Variants in INPP5D observed in about 807,000 individuals in gnomAD.
INPP5D encodes the protein phosphatidylinositol 3,4,5-trisphosphate 5-phosphatase 1.
A neutral mutation model predicts 122.9 loss-of-function variants in INPP5D; 33 were observed. The observed-to-expected ratio is 0.27, with a 90% confidence interval of 0.20 to 0.36. INPP5D has a LOEUF of 0.36. INPP5D is among the 10% of genes least tolerant of loss of function. The probability of loss-of-function intolerance (pLI) is 1.00; values close to 1 mark genes in which losing one functional copy is unlikely to be tolerated. For synonymous variants in INPP5D, 584 were observed against 576.2 expected (o/e 1.01, Z -0.19); for missense variants, 1,053 against 1,412.7 (o/e 0.75, Z 4.08).
intron 6 of INPP5D, among the ~76,000 whole-genome samples, chr2:233,143,456 C>G (rs893240453): frequency 6.6e-6 from 1 of 152,104 alleles, no homozygotes; most frequent in Admixed American, 6.6e-5. Context: ...TCTGTGTTAC[C>G]GTTTCAATTA....
At chr2:233,145,434 A>G (rs1693732887) in intron 6 of INPP5D, among the ~76,000 whole-genome samples, 1 of 152,230 alleles carries the variant, frequency 6.6e-6, no homozygotes, top group South Asian at 2.1e-4. Context: ...AGCAGGGAAG[A>G]CAAACAATGA....
intron 2 of INPP5D, among the ~76,000 whole-genome samples, chr2:233,094,019 G>A (rs745473646): frequency 6.6e-6 from 1 of 152,040 alleles, no homozygotes; most frequent in Non-Finnish European, 1.5e-5. Context: ...GAGCCCAAGA[G>A]ATTCTCTACA....
In INPP5D at chr2:233,177,078, G is replaced by T. The variant is rs973669239; in HGVS notation, c.1990-187G>T. Among the ~76,000 whole-genome samples the T allele has an allele frequency of 6.6e-6, 1 of 152,098 alleles. No individual in the cohort carries two copies. The highest frequency in any genetic ancestry group is 2.4e-5 in the African/African-American group (1 of 41,402). ...GAGTTATCTTAGTCTAAAGAAGAAG[G>T]CGTGGCAGTGGAGTCTGGACTTGAG... On this transcript the variant is annotated intron_variant, in intron 17 of 26. Coordinates refer to ENST00000445964, the MANE Select transcript of INPP5D (RefSeq NM_001017915.3). This position sits in a 1 kb window ranked among gnomAD's most constrained non-coding sequence, Gnocchi z 4.2.
chr2:233,089,803 T>C (rs1393320913), intron 2 of INPP5D, among the ~76,000 whole-genome samples: 1 of 152,232 alleles, frequency 6.6e-6, no homozygotes, highest in African/African-American at 2.4e-5. Flanking sequence ...TAGAGACCAA[T>C]GACAAGCAAT....
rs1164006532 is a variant in INPP5D, at chr2:233,163,689, T to C, written c.1241-18T>C. ...GATGTGCCTTTGACTCACTTGGTGT[T>C]GGGTTTTGCTGTTGAAGGTAACGCC... On this transcript the variant is annotated intron_variant, in intron 11 of 26. Coordinates refer to ENST00000445964, the MANE Select transcript of INPP5D (RefSeq NM_001017915.3). The C allele has an allele frequency of 6.2e-7, 1 of 1,613,508 alleles. No individual in the cohort carries two copies. The highest frequency in any genetic ancestry group is 8.5e-7 in the Non-Finnish European group (1 of 1,179,720).
At chr2:233,102,366 A>G (rs1692337813) in intron 2 of INPP5D, among the ~76,000 whole-genome samples, 1 of 152,138 alleles carries the variant, frequency 6.6e-6, no homozygotes, top group Non-Finnish European at 1.5e-5. Flanking sequence ...CATGGGCCCC[A>G]GTCCCCGCCT....
chr2:233,202,685 A>G (rs1447597400), intron 25 of INPP5D, among the ~76,000 whole-genome samples: 1 of 152,240 alleles, frequency 6.6e-6, no homozygotes, highest in Admixed American at 6.5e-5. Context: ...CCTTTTCTGT[A>G]GAAAGCAGAA....
intron 5 of INPP5D, among the ~76,000 whole-genome samples, chr2:233,137,889 T>TAC (rs1693528388): frequency 3.8e-5 from 2 of 53,252 alleles, no homozygotes; most frequent in African/African-American, 1.3e-4. Context: ...TATATATATA[T>TAC]ATATATATAC....
At chr2:233,149,428 C>T (rs900116184) in intron 9 of INPP5D, among the ~76,000 whole-genome samples, 36 of 152,082 alleles carry the variant, frequency 2.4e-4, no homozygotes, top group African/African-American at 8.2e-4. Flanking sequence ...AAGTCGTATG[C>T]ACTAAGTATG....
intron 20 of INPP5D, among the ~76,000 whole-genome samples, chr2:233,185,530 T>C (rs1694888940): frequency 6.6e-6 from 1 of 151,906 alleles, no homozygotes; most frequent in South Asian, 2.1e-4. Context: ...AGTTTCCTAA[T>C]CTTTTTGCCT....
At chr2:233,171,245 T>G in intron 17 of INPP5D, 93 bp downstream of exon 17, 2 of 1,492,454 alleles carry the variant, frequency 1.3e-6, no homozygotes, top group South Asian at 1.3e-5. Context: ...CTTCATCCAT[T>G]AGGCAAAAAA....
At chr2:233,141,195 T>G (rs1693624740) in intron 6 of INPP5D, 1 of 152,124 alleles carries the variant, frequency 6.6e-6, no homozygotes, top group Admixed American at 6.5e-5. Context: ...CAGGCATCCC[T>G]CAAGCCCGCA....
intron 5 of INPP5D, 25 bp downstream of exon 5, chr2:233,130,673 G>A (rs1366683794): frequency 5.6e-6 from 9 of 1,612,998 alleles, no homozygotes; most frequent in Non-Finnish European, 7.6e-6. Context: ...ACGGGGGCGG[G>A]CAGGTGGGGG....
intron 2 of INPP5D, among the ~76,000 whole-genome samples, chr2:233,084,096 C>A (rs770501974): frequency 5.3e-5 from 8 of 152,186 alleles, no homozygotes; most frequent in Non-Finnish European, 1.0e-4. Context: ...GTTCTGTAGA[C>A]CAGGCTGGAG....
rs575993062 is a variant in INPP5D at position 233,194,389 on chromosome 2, C to T, written c.2596+428C>T. On this transcript the variant is annotated intron_variant, in intron 23 of 26. Coordinates refer to ENST00000445964, the MANE Select transcript of INPP5D (RefSeq NM_001017915.3). Reference sequence around the variant, plus strand: ...CTTGGGCGACCTCTGCTTGCCCACACGGCCACATGGTGCCCACTCCCATAT... The same window carrying T: ...CTTGGGCGACCTCTGCTTGCCCACATGGCCACATGGTGCCCACTCCCATAT... 3.3e-4 allele frequency among the ~76,000 whole-genome samples: 50 copies of T among 152,190 alleles called. No individual in the cohort carries two copies. The South Asian group carries it at 4.8e-3, about 15-fold the overall frequency.
intron 1 of INPP5D, among the ~76,000 whole-genome samples, chr2:233,073,886 T>C (rs1000724037): frequency 1.3e-5 from 2 of 152,192 alleles, no homozygotes; most frequent in African/African-American, 4.8e-5. Context: ...TCCCTAATGG[T>C]CAGTTTCCTT....
At position 233,164,355 on chromosome 2, in the gene INPP5D, C is replaced by A; in HGVS notation, c.1486C>A (p.Pro496Thr). 3 of 1,552,722 alleles carry A rather than the reference C, an allele frequency of 1.9e-6. No homozygotes were observed. The highest frequency in any genetic ancestry group is 2.6e-6 in the Non-Finnish European group (3 of 1,147,628). The stretch of plus-strand genomic sequence containing the variant: ...CATCCGCATCGTGGTGCTGGCCAAG[C>A]CTGAGCACGAGAACCGGATCAGCCA... ...WNIRIVVLAKPEHENRISHIC... is the reference protein window; with the variant it reads ...WNIRIVVLAKTEHENRISHIC... Residue 496 changes from proline to threonine, a missense_variant, in exon 13 of 27, where the codon CCT becomes ACT. Coordinates refer to ENST00000445964, the MANE Select transcript of INPP5D (RefSeq NM_001017915.3). The surrounding 1 kb of genome is among the most constrained non-coding windows in gnomAD (Gnocchi z 4.3).
In INPP5D at chr2:233,204,597, G is replaced by C. The variant is rs1435929222; in HGVS notation, c.3447G>C (p.Ala1149=). Reference sequence around the variant, plus strand: ...CGCCGCTGCCAGTCAAGAGCCCGGCGGTGCTGCACCTCCAGCACTCCAAGG... The same window carrying C: ...CGCCGCTGCCAGTCAAGAGCCCGGCCGTGCTGCACCTCCAGCACTCCAAGG... ...PRPPLPVKSP[A]VLHLQHSKGR... Residue 1149 remains alanine (A), a synonymous_variant, in exon 26 of 27, where the codon GCG becomes GCC. Coordinates refer to ENST00000445964, the MANE Select transcript of INPP5D (RefSeq NM_001017915.3). 6.4e-7 allele frequency: 1 copy of C among 1,569,618 alleles called. No homozygotes were observed. Among genetic ancestry groups the C allele is most frequent in the African/African-American group, 1.4e-5 (1 of 73,726 alleles).
chr2:233,132,180 C>T (rs1398990006), intron 5 of INPP5D, among the ~76,000 whole-genome samples: 2 of 152,204 alleles, frequency 1.3e-5, no homozygotes. Context: ...TTTTATAAAA[C>T]ACCATTTCAC....
Sources: allele counts gnomAD v4.1 joint callset (sites outside exome capture counted in the v4.1 genomes callset), GRCh38; gene constraint gnomAD v4.1.1; non-coding constraint Gnocchi (gnomAD v3.1); transcripts MANE v1.5; gene names NCBI Gene and HGNC (gene_info 2026-07-23, HGNC 2026-07-21).